The following NCAPG variants were observed in gnomAD, a reference collection of about 807,000 sequenced individuals.
The protein encoded by NCAPG is non-SMC condensin I complex subunit G, also known as condensin complex subunit 3.
A neutral mutation model predicts 113.1 loss-of-function variants in NCAPG; 69 were observed. The observed-to-expected ratio is 0.61, with a 90% confidence interval of 0.50 to 0.75. The LOEUF (loss-of-function observed/expected upper bound fraction) is 0.75. NCAPG is among the 30% of genes least tolerant of loss of function. The probability of loss-of-function intolerance (pLI) is 0.00; values close to 1 mark genes in which losing one functional copy is unlikely to be tolerated. For synonymous variants in NCAPG, 370 were observed against 415.8 expected, an observed-to-expected ratio of 0.89 and a Z score of 1.34; for missense variants, 1,058 against 1,177.0, an observed-to-expected ratio of 0.90 and a Z score of 1.48.
intron 3 of NCAPG, among the ~76,000 whole-genome samples, chr4:17,814,510 A>G (rs1721116925): frequency 6.6e-6 from 1 of 152,242 alleles, no homozygotes; most frequent in South Asian, 2.1e-4. Flanking sequence ...CTCGGGCTGG[A>G]TTGCAGAGGT....
intron 16 of NCAPG, among the ~76,000 whole-genome samples, chr4:17,838,590 T>G (rs765357928): frequency 6.6e-6 from 1 of 151,660 alleles, no homozygotes; most frequent in African/African-American, 2.4e-5. Flanking sequence ...ATTTGGGGAG[T>G]GGTTTGGGTA....
In NCAPG at chr4:17,821,157, C is replaced by T. The variant is rs143286122; in HGVS notation, c.1119-1826C>T. Among the ~76,000 whole-genome samples the T allele has an allele frequency of 1.4e-3, 204 of 150,556 alleles. 1 individual carries two copies. The highest frequency in any genetic ancestry group is 4.5e-3 in the African/African-American group (184 of 41,138). The stretch of plus-strand genomic sequence containing the variant: ...CTCAGTCAAGATGCTGTGCATTTTG[C>T]TAAAGCTGGGCTGGAGAAGTGGGGA... On this transcript the variant is annotated intron_variant, in intron 7 of 20. Transcript: ENST00000251496.
chr4:17,841,296 C>T (rs1337724485), intron 19 of NCAPG: 1 of 151,958 alleles, frequency 6.6e-6, no homozygotes, highest in Non-Finnish European at 1.5e-5. Context: ...ATAAGGAACA[C>T]TAATAATCCC....
rs1413929225 is a variant in NCAPG at position 17,829,576 on chromosome 4, AAC to A, written c.1764+1192_1764+1193del. On this transcript the variant is annotated intron_variant, in intron 12 of 20. Coordinates refer to ENST00000251496, the MANE Select transcript of NCAPG (RefSeq NM_022346.5). ...GATATACAGTGTTATGTGAAGAATA[AAC>A]ACAAAATTGAATGATCATAATGATT... is the stretch of plus-strand genomic sequence containing the variant. 5.9e-5 allele frequency among the ~76,000 whole-genome samples: 9 copies of A among 152,366 alleles called. No individual in the cohort carries two copies. In the East Asian group the frequency reaches 1.5e-3, roughly 26 times the overall value.
At chr4:17,817,514 T>G in intron 6 of NCAPG, 61 bp downstream of exon 6, 1 of 1,383,618 alleles carries the variant, frequency 7.2e-7, no homozygotes, top group Non-Finnish European at 1.0e-6. Context: ...TTAATTTGTT[T>G]TTTTTCCTCC....
At chr4:17,842,175 C>A in intron 19 of NCAPG, 135 bp from the exon 20 acceptor site, 2 of 653,024 alleles carry the variant, frequency 3.1e-6, no homozygotes, top group South Asian at 2.1e-5. Context: ...ACCAAGATGG[C>A]TAGAACAAGT....
At chr4:17,839,364 A>G (rs566805749) in intron 16 of NCAPG, among the ~76,000 whole-genome samples, 1 of 152,280 alleles carries the variant, frequency 6.6e-6, no homozygotes, top group East Asian at 1.9e-4. Context: ...AAGGTCCACC[A>G]AAGTCCACCA....
chr4:17,827,595 C>A (rs1721700096), intron 11 of NCAPG, among the ~76,000 whole-genome samples: 1 of 152,052 alleles, frequency 6.6e-6, no homozygotes, highest in Non-Finnish European at 1.5e-5. Flanking sequence ...AGATAGAGAA[C>A]AAGGAAGAGG....
chr4:17,840,137 A>C lies in NCAPG; in HGVS notation c.2695A>C (p.Lys899Gln). The C allele has an allele frequency of 6.2e-7, 1 of 1,612,404 alleles. No individual in the cohort carries two copies. Among genetic ancestry groups the C allele is most frequent in the Non-Finnish European group, 8.5e-7 (1 of 1,179,202 alleles). The change falls in exon 18 of 21, where the codon AAA (lysine) becomes CAA (glutamine). Residue 899 changes from lysine to glutamine, a missense_variant. Coordinates refer to ENST00000251496, the MANE Select transcript of NCAPG (RefSeq NM_022346.5). ...KIKIQLEKGNKEFGDQAEAAQ... is the reference protein window; with the variant it reads ...KIKIQLEKGNQEFGDQAEAAQ... ...CAAGATTCAGTTAGAAAAAGGAAAT[A>C]AAGAATTTGGTGACCAAGCTGAAGC...
At position 17,834,492 on chromosome 4, in the gene NCAPG, T is replaced by G. The variant is rs1378228029; in HGVS notation, c.2078T>G (p.Leu693Arg). ...GAGACTGCTACAGCTAAGAATGTTC[T>G]GAAACTCCTTTCTGATTTCTTAGAT... Reference protein sequence around the residue: ...VEETATAKNVLKLLSDFLDSE... With the variant: ...VEETATAKNVRKLLSDFLDSE... The change falls in exon 14 of 21, where the codon CTG becomes CGG. Residue 693 changes from leucine (L) to arginine (R), a missense_variant. Transcript: ENST00000251496. 1 of 1,596,076 alleles carries G rather than the reference T, an allele frequency of 6.3e-7. No homozygotes were observed. The highest frequency in any genetic ancestry group is 8.5e-7 in the Non-Finnish European group (1 of 1,171,680).
chr4:17,830,397 A>G (rs1721815176), intron 12 of NCAPG, among the ~76,000 whole-genome samples: 1 of 152,092 alleles, frequency 6.6e-6, no homozygotes, highest in Admixed American at 6.5e-5. Flanking sequence ...TGTCTCAAAA[A>G]AAAAAGAAAA....
intron 7 of NCAPG, among the ~76,000 whole-genome samples, chr4:17,821,763 CGACATTTTT>C (rs149243455): frequency 0.21 from 31,187 of 151,732 alleles, 3,739 homozygotes; most frequent in African/African-American, 0.33. Flanking sequence ...CTGTGCCCGG[CGACATTTTT>C]GACATTTTTT....
chr4:17,843,893 A>G lies in NCAPG; in HGVS notation c.*468A>G, dbSNP rs1406457031. The stretch of plus-strand genomic sequence containing the variant: ...CCACAAACTGGCTAGAAAGGAGCTT[A>G]TCAATCACCAGTGAGGAAGACCAGT... On this transcript the variant is annotated 3_prime_UTR_variant, in exon 21 of 21. Transcript: ENST00000251496. 1 of 151,642 alleles carries G rather than the reference A, an allele frequency of 6.6e-6. No homozygotes were observed. Among genetic ancestry groups the G allele is most frequent in the Non-Finnish European group, 1.5e-5 (1 of 67,502 alleles). The allele number at this position is 151,642 out of a possible 1,614,324, so 9.4% of individuals were successfully genotyped here. A position where few individuals can be genotyped will look rare whatever the true frequency, so the allele number is the denominator to read the frequency against.
intron 8 of NCAPG, 124 bp downstream of exon 8, chr4:17,823,247 C>A (rs1721531851): frequency 1.2e-6 from 1 of 827,454 alleles, no homozygotes; most frequent in South Asian, 1.8e-5. Flanking sequence ...AAAAAGTTTT[C>A]TTTTCCCTTC....
intron 14 of NCAPG, 105 bp from the exon 15 acceptor site, chr4:17,837,054 T>C: frequency 1.1e-6 from 1 of 909,740 alleles, no homozygotes; most frequent in Non-Finnish European, 1.6e-6. Flanking sequence ...ATAACTCGAA[T>C]GGTTTTTGGA....
Position 17,815,011 on chromosome 4 carries a change from A to T in NCAPG, c.690+13A>T, listed in dbSNP as rs769199933. 6.2e-7 allele frequency: 1 copy of T among 1,613,980 alleles called. No homozygotes were observed. The highest frequency in any genetic ancestry group is 1.1e-5 in the South Asian group (1 of 91,034). Reference sequence around the variant, plus strand: ...GCTGGCTTATCAGGTAAATAAGTTCAATGTCTTGTGTTGGCATATTCTTAA... The same window carrying T: ...GCTGGCTTATCAGGTAAATAAGTTCTATGTCTTGTGTTGGCATATTCTTAA... On this transcript the variant is annotated intron_variant, in intron 4 of 20. Coordinates refer to ENST00000251496, the MANE Select transcript of NCAPG (RefSeq NM_022346.5).
At chr4:17,823,283 A>G in intron 8 of NCAPG, 160 bp downstream of exon 8, 1 of 582,310 alleles carries the variant, frequency 1.7e-6, no homozygotes, top group African/African-American at 2.0e-5. Context: ...ATACACATAC[A>G]TTTATATTTC....
Position 17,821,305 on chromosome 4 carries a change from C to A in NCAPG, c.1119-1678C>A, listed in dbSNP as rs188831538. 3.3e-5 allele frequency among the ~76,000 whole-genome samples: 5 copies of A among 152,100 alleles called. No individual in the cohort carries two copies. The East Asian group carries it at 9.7e-4, about 29-fold the overall frequency. ...GTTTTCCTTAGTTTCCTACTAGAAC[C>A]CAAAGGGTGGCTGATGTCTTAAAAG... On this transcript the variant is annotated intron_variant, in intron 7 of 20. Coordinates refer to ENST00000251496, the MANE Select transcript of NCAPG (RefSeq NM_022346.5).
intron 19 of NCAPG, chr4:17,841,969 G>T: frequency 5.2e-6 from 1 of 192,738 alleles, no homozygotes. Flanking sequence ...CACAGACTTT[G>T]TGCTATAGCA....
Sources: gnomAD v4.1 joint callset for allele counts (sites outside exome capture counted in the v4.1 genomes callset) on GRCh38, gnomAD v4.1.1 for gene constraint, MANE v1.5 for transcripts, NCBI Gene and HGNC (gene_info 2026-07-23, HGNC 2026-07-21) for gene names.